Variants in MAPK10 observed in about 807,000 individuals in gnomAD.
MAPK10 encodes JNK3 alpha protein kinase.
A neutral mutation model predicts 59.3 loss-of-function variants in MAPK10; 25 were observed. The observed-to-expected ratio is 0.42, with a 90% CI of 0.31 to 0.59. The LOEUF is 0.59. MAPK10 is among the 20% of genes least tolerant of loss of function. MAPK10 has a pLI of 0.15. For synonymous variants in MAPK10, 190 were observed against 200.5 expected (o/e 0.95, Z 0.44); for missense variants, 351 against 568.9 (o/e 0.62, Z 3.90).
chr4:86,323,905 T>C (rs1236155775), intron 2 of MAPK10, among the ~76,000 whole-genome samples: 1 of 152,222 alleles, frequency 6.6e-6, no homozygotes, highest in Non-Finnish European at 1.5e-5. Context: ...CGCAGGACTA[T>C]TTCTTTGCCA....
intron 3 of MAPK10, among the ~76,000 whole-genome samples, chr4:86,190,767 T>C (rs1360475167): frequency 2.0e-5 from 3 of 152,220 alleles, no homozygotes; most frequent in African/African-American, 7.2e-5. Context: ...TGATCTTAGT[T>C]ATTTCTTGTC....
chr4:86,394,969 C>T (rs1742723758), intron 1 of MAPK10, among the ~76,000 whole-genome samples: 1 of 152,176 alleles, frequency 6.6e-6, no homozygotes, highest in African/African-American at 2.4e-5. Context: ...ATTCTTTCAC[C>T]ATCTGTGGGG....
intron 2 of MAPK10, chr4:86,327,129 C>T (rs1394741049): frequency 1.4e-5 from 2 of 146,304 alleles, no homozygotes; most frequent in Admixed American, 7.3e-5. Flanking sequence ...TGCCATCACA[C>T]CCAGCTAACT....
chr4:86,423,948 G>T (rs371252600), intron 1 of MAPK10, among the ~76,000 whole-genome samples: 3 of 151,714 alleles, frequency 2.0e-5, no homozygotes, highest in Non-Finnish European at 4.4e-5. Flanking sequence ...TAAAGGTAAA[G>T]ATTTGAGATC....
chr4:86,298,789 T>C (rs2095416054), intron 2 of MAPK10, among the ~76,000 whole-genome samples: 1 of 152,238 alleles, frequency 6.6e-6, no homozygotes, highest in African/African-American at 2.4e-5. Context: ...TTTTTGTTCT[T>C]CTTTTTCCTT....
intron 11 of MAPK10, among the ~76,000 whole-genome samples, chr4:86,037,658 C>A (rs901840414): frequency 6.6e-6 from 1 of 151,936 alleles, no homozygotes; most frequent in African/African-American, 2.4e-5. Context: ...TGGGAAGTAT[C>A]TTTTTCAACA....
At chr4:86,151,778 A>C (rs2066535053) in intron 4 of MAPK10, among the ~76,000 whole-genome samples, 1 of 152,206 alleles carries the variant, frequency 6.6e-6, no homozygotes, top group Non-Finnish European at 1.5e-5. Flanking sequence ...TAACATGACA[A>C]CAATTTGGCT....
chr4:86,335,861 T>C (rs904844690), intron 2 of MAPK10, among the ~76,000 whole-genome samples: 9 of 152,126 alleles, frequency 5.9e-5, no homozygotes, highest in East Asian at 5.8e-4. Context: ...GAGAACAGCA[T>C]GGGGGAAACC....
chr4:86,450,509 G>A (rs1186762346), intron 1 of MAPK10, among the ~76,000 whole-genome samples: 1 of 152,072 alleles, frequency 6.6e-6, no homozygotes, highest in Non-Finnish European at 1.5e-5. Flanking sequence ...AAAAATGGGG[G>A]AAAAACAGAG....
chr4:86,136,627 T>C (rs2062189251), intron 4 of MAPK10, among the ~76,000 whole-genome samples: 1 of 149,202 alleles, frequency 6.7e-6, no homozygotes, highest in Non-Finnish European at 1.5e-5. Context: ...CTGCATCAAC[T>C]AACGAGCAAA....
chr4:86,374,372 T>C (rs1404938902), intron 1 of MAPK10, among the ~76,000 whole-genome samples: 1 of 152,148 alleles, frequency 6.6e-6, no homozygotes, highest in Non-Finnish European at 1.5e-5. Context: ...AACCTGCACG[T>C]TCTGCACATG....
intron 3 of MAPK10, among the ~76,000 whole-genome samples, chr4:86,163,253 C>T (rs1189588024): frequency 2.0e-5 from 3 of 152,044 alleles, no homozygotes; most frequent in Admixed American, 6.6e-5. Context: ...CCCCCAGATC[C>T]CATCTGTGCC....
intron 1 of MAPK10, among the ~76,000 whole-genome samples, chr4:86,372,944 T>C (rs775399174): frequency 2.2e-4 from 34 of 152,312 alleles, no homozygotes; most frequent in Admixed American, 3.9e-4. Flanking sequence ...AGAGTTCATA[T>C]AGCCAAGACA....
chr4:86,568,242 G>A (rs1761205926), intron 1 of MAPK10, among the ~76,000 whole-genome samples: 1 of 152,016 alleles, frequency 6.6e-6, no homozygotes, highest in Non-Finnish European at 1.5e-5. Context: ...TACCAATGAG[G>A]TGAAAAATCT....
chr4:86,550,662 C>T (rs1298645048), intron 1 of MAPK10, among the ~76,000 whole-genome samples: 1 of 152,160 alleles, frequency 6.6e-6, no homozygotes, highest in Non-Finnish European at 1.5e-5. Context: ...AAGATCATGC[C>T]ATTGCACCCC....
At chr4:86,193,499 A>C (rs1388767951) in intron 3 of MAPK10, 1 of 152,274 alleles carries the variant, frequency 6.6e-6, no homozygotes, top group Non-Finnish European at 1.5e-5. Context: ...GGCTTTGCTG[A>C]GCTGTGGTGG....
intron 4 of MAPK10, among the ~76,000 whole-genome samples, chr4:86,145,783 CTCTT>C (rs1010941017): frequency 2.1e-4 from 32 of 152,116 alleles, no homozygotes; most frequent in African/African-American, 7.7e-4. Context: ...GAGCCTCTCT[CTCTT>C]TCTGTTTTTC....
In MAPK10 at chr4:86,394,923, G is replaced by A. The variant is rs527682483; in HGVS notation, c.-121-40279C>T. 4.6e-5 allele frequency among the ~76,000 whole-genome samples: 7 copies of A among 152,274 alleles called. No homozygotes were observed. In the East Asian group the frequency reaches 9.6e-4, roughly 21 times the overall value. On this transcript the variant is annotated intron_variant, in intron 1 of 13. Transcript: ENST00000361569. ...CCTGGCAAAACTCAGCTGCTCTAGC[G>A]GCTGAGGGTATCAATATATTCACGC... is the stretch of plus-strand genomic sequence containing the variant.
chr4:86,422,626 C>A (rs527763007), intron 1 of MAPK10, among the ~76,000 whole-genome samples: 1 of 152,194 alleles, frequency 6.6e-6, no homozygotes, highest in African/African-American at 2.4e-5. Flanking sequence ...CATTGGCACG[C>A]CTGGTAAGCC....
Sources: allele counts gnomAD v4.1 joint callset (sites outside exome capture counted in the v4.1 genomes callset), GRCh38; gene constraint gnomAD v4.1.1; transcripts MANE v1.5; gene names NCBI Gene and HGNC (gene_info 2026-07-23, HGNC 2026-07-21).